Variants in PPP1R14C observed in about 807,000 individuals in gnomAD.
PPP1R14C encodes protein phosphatase 1 regulatory inhibitor subunit 14C, also known as protein phosphatase 1 regulatory subunit 14C.
In PPP1R14C, 16 loss-of-function variants were observed where a neutral mutation model predicts 20.4. The ratio of observed to expected loss-of-function variants is 0.78; its 90% CI spans 0.53 to 1.19. The LOEUF is 1.19. PPP1R14C is among the 50% of genes most tolerant of loss of function. The pLI, the probability that PPP1R14C is intolerant of heterozygous loss-of-function variation, is 0.00. For synonymous variants in PPP1R14C, 91 were observed against 91.0 expected, an observed-to-expected ratio of 1.00 and a Z score of 0.00; for missense variants, 211 against 220.1, an observed-to-expected ratio of 0.96 and a Z score of 0.26.
intron 3 of PPP1R14C, among the ~76,000 whole-genome samples, chr6:150,238,961 C>T (rs1267586955): frequency 1.3e-5 from 2 of 151,184 alleles, no homozygotes; most frequent in South Asian, 2.1e-4. Flanking sequence ...TTTTTTTTGG[C>T]GGTCGAGCGT....
chr6:150,227,432 C>G (rs1323644871), intron 3 of PPP1R14C, among the ~76,000 whole-genome samples: 2 of 152,130 alleles, frequency 1.3e-5, no homozygotes, highest in Non-Finnish European at 2.9e-5. Context: ...AAATGTCAGG[C>G]TGTGAGCTTA....
chr6:150,152,145 AAAG>A (rs1777256238), intron 1 of PPP1R14C, among the ~76,000 whole-genome samples: 2 of 77,344 alleles, frequency 2.6e-5, no homozygotes, highest in African/African-American at 5.9e-5. Context: ...AAAAAAAAAA[AAAG>A]AAGTGCTGAT....
At chr6:150,193,816 G>A (rs1306485834) in intron 1 of PPP1R14C, among the ~76,000 whole-genome samples, 1 of 152,114 alleles carries the variant, frequency 6.6e-6, no homozygotes, top group African/African-American at 2.4e-5. Flanking sequence ...CCTGTCCTAA[G>A]CCTCCTTATC....
At position 150,201,655 on chromosome 6, in the gene PPP1R14C, C is replaced by T. The variant is rs771332603; in HGVS notation, c.307-13089C>T. Among the ~76,000 whole-genome samples the T allele has an allele frequency of 1.1e-4, 16 of 152,182 alleles. No individual in the cohort carries two copies. Among genetic ancestry groups the T allele is most frequent in the Non-Finnish European group, 2.4e-4 (16 of 68,038 alleles). ...AGCTGGTGAATGACAGATCTGTGTT[C>T]TTAAAGTTGCTACTCTGGCTACAGA... is the stretch of plus-strand genomic sequence containing the variant. On this transcript the variant is annotated intron_variant, in intron 1 of 3. Transcript: ENST00000361131. The surrounding 1 kb of genome is among the most constrained non-coding windows in gnomAD (Gnocchi z 4.2).
In PPP1R14C at chr6:150,143,604, C is replaced by G; in HGVS notation, c.306+106C>G. 1.2e-6 allele frequency: 1 copy of G among 812,092 alleles called. No individual in the cohort carries two copies. The allele number at this position is 812,092 out of a possible 1,614,324, so 50.3% of individuals were successfully genotyped here. A position where few individuals can be genotyped will look rare whatever the true frequency, so the allele number is the denominator to read the frequency against. On this transcript the variant is annotated intron_variant, in intron 1 of 3. Coordinates refer to ENST00000361131, the MANE Select transcript of PPP1R14C (RefSeq NM_030949.3). The surrounding 1 kb of genome is among the most constrained non-coding windows in gnomAD (Gnocchi z 5.6). ...TCCGGGGCGCGCATGTCCCTGACTCCCGGGGACCAAGTGCCAGGAGCGAGG... is the reference window on the plus strand; with the variant it reads ...TCCGGGGCGCGCATGTCCCTGACTCGCGGGGACCAAGTGCCAGGAGCGAGG...
chr6:150,218,912 A>T (rs1562272831), intron 3 of PPP1R14C, among the ~76,000 whole-genome samples: 1 of 152,038 alleles, frequency 6.6e-6, no homozygotes, highest in Non-Finnish European at 1.5e-5. Context: ...TCAGCCTCTC[A>T]AAGTGCTGGA....
intron 1 of PPP1R14C, among the ~76,000 whole-genome samples, chr6:150,168,223 G>C (rs1582900754): frequency 7.8e-6 from 1 of 127,442 alleles, no homozygotes; most frequent in African/African-American, 3.0e-5. Context: ...TTTAACAACT[G>C]GCTCTCATGG....
At chr6:150,186,871 T>C (rs890645696) in intron 1 of PPP1R14C, among the ~76,000 whole-genome samples, 7 of 152,144 alleles carry the variant, frequency 4.6e-5, no homozygotes, top group African/African-American at 1.4e-4. Context: ...CAGGAGGACC[T>C]TGTGGGCCAA....
chr6:150,223,074 T>C (rs564449758), intron 3 of PPP1R14C, among the ~76,000 whole-genome samples: 1 of 152,260 alleles, frequency 6.6e-6, no homozygotes, highest in African/African-American at 2.4e-5. Context: ...CAGCCCAAAA[T>C]GGCTTTTAAA....
intron 3 of PPP1R14C, among the ~76,000 whole-genome samples, chr6:150,232,056 A>G (rs1778302312): frequency 6.6e-6 from 1 of 152,234 alleles, no homozygotes; most frequent in Non-Finnish European, 1.5e-5. Flanking sequence ...CCAACAGGAT[A>G]TAAGAATTCC....
At chr6:150,182,744 C>T (rs1459131019) in intron 1 of PPP1R14C, among the ~76,000 whole-genome samples, 1 of 152,098 alleles carries the variant, frequency 6.6e-6, no homozygotes, top group East Asian at 1.9e-4. Flanking sequence ...GTACAATAGC[C>T]AGCCATGCTT....
chr6:150,226,541 G>C (rs140098005), intron 3 of PPP1R14C, among the ~76,000 whole-genome samples: 2 of 152,084 alleles, frequency 1.3e-5, no homozygotes, highest in Non-Finnish European at 2.9e-5. Flanking sequence ...TGTACTGGGA[G>C]GATGAACAGA....
At chr6:150,152,119 CAAAAAAA>C (rs577869928) in intron 1 of PPP1R14C, among the ~76,000 whole-genome samples, 1 of 84,948 alleles carries the variant, frequency 1.2e-5, no homozygotes, top group African/African-American at 3.7e-5. Flanking sequence ...GACTCCGTCT[CAAAAAAA>C]AAAAAAAAAA....
chr6:150,195,470 C>T (rs9384233), intron 1 of PPP1R14C, among the ~76,000 whole-genome samples: 51,263 of 151,954 alleles, frequency 0.34, 8,681 homozygotes, highest in South Asian at 0.35. Flanking sequence ...ACCTCAGCCT[C>T]CTGAGTAGCT....
At chr6:150,146,642 A>G (rs993003123) in intron 1 of PPP1R14C, among the ~76,000 whole-genome samples, 12 of 151,976 alleles carry the variant, frequency 7.9e-5, no homozygotes, top group South Asian at 2.1e-4. Flanking sequence ...TGCACCTGCC[A>G]CTCCTTGACC....
At chr6:150,174,839 G>A (rs1233619336) in intron 1 of PPP1R14C, among the ~76,000 whole-genome samples, 2 of 151,656 alleles carry the variant, frequency 1.3e-5, no homozygotes, top group African/African-American at 2.4e-5. Context: ...GGTGTCGCAC[G>A]CCTGTAATCC....
At chr6:150,188,482 CTTTTTTTTTTTT>C (rs753993224) in intron 1 of PPP1R14C, among the ~76,000 whole-genome samples, 1 of 104,982 alleles carries the variant, frequency 9.5e-6, no homozygotes, top group African/African-American at 3.9e-5. Context: ...CAGGAATTAC[CTTTTTTTTTTTT>C]TTTTTTTTTT....
At chr6:150,151,318 G>A (rs866086518) in intron 1 of PPP1R14C, among the ~76,000 whole-genome samples, 4 of 152,088 alleles carry the variant, frequency 2.6e-5, no homozygotes, top group Admixed American at 6.6e-5. Context: ...GGCGGCAGGC[G>A]CTGCTGTGCA....
chr6:150,194,486 T>C, intron 1 of PPP1R14C: 1 of 979,470 alleles, frequency 1.0e-6, no homozygotes, highest in Non-Finnish European at 1.2e-6. Flanking sequence ...AACCAAATAA[T>C]GTTCTACTAC....
Sources: allele counts gnomAD v4.1 joint callset (sites outside exome capture counted in the v4.1 genomes callset), GRCh38; gene constraint gnomAD v4.1.1; non-coding constraint Gnocchi (gnomAD v3.1); transcripts MANE v1.5; gene names NCBI Gene and HGNC (gene_info 2026-07-23, HGNC 2026-07-21).